The following ADGB variants were observed in gnomAD, a reference collection of about 807,000 sequenced individuals.
ADGB encodes the protein calpain-7-like protein.
ADGB carries 172 observed loss-of-function variants against 210.5 expected under a neutral mutation model. The ratio of observed to expected loss-of-function variants is 0.82; its 90% CI spans 0.72 to 0.93. The LOEUF (loss-of-function observed/expected upper bound fraction) is 0.93, where lower values mean the gene tolerates loss of function less well. ADGB is among the 40% of genes least tolerant of loss of function. The pLI is 0.00. For missense variants in ADGB, 2,025 were observed against 1,964.8 expected (o/e 1.03, Z -0.58); for synonymous variants, 658 against 662.7 (o/e 0.99, Z 0.11).
chr6:146,636,459 G>A (rs1775424073), intron 2 of ADGB, among the ~76,000 whole-genome samples: 1 of 152,004 alleles, frequency 6.6e-6, no homozygotes, highest in Admixed American at 6.6e-5. Flanking sequence ...ACATGTAAGG[G>A]AACAAATTCT....
At chr6:146,778,790 G>A (rs1252202870) in intron 29 of ADGB, among the ~76,000 whole-genome samples, 4 of 152,152 alleles carry the variant, frequency 2.6e-5, no homozygotes, top group Non-Finnish European at 5.9e-5. Context: ...AAAACAGCAT[G>A]CACAGATCCT....
chr6:146,799,222 C>G (rs984504811), intron 33 of ADGB, among the ~76,000 whole-genome samples: 1 of 151,996 alleles, frequency 6.6e-6, no homozygotes, highest in African/African-American at 2.4e-5. Flanking sequence ...AAATCAGGAG[C>G]AAGCCAAAGA....
At chr6:146,753,291 T>C (rs2114613219) in intron 27 of ADGB, among the ~76,000 whole-genome samples, 1 of 152,162 alleles carries the variant, frequency 6.6e-6, no homozygotes, top group South Asian at 2.1e-4. Flanking sequence ...GAAAAAAAGT[T>C]AATATTTTAG....
intron 1 of ADGB, among the ~76,000 whole-genome samples, chr6:146,630,557 A>G (rs1227270391): frequency 6.6e-6 from 1 of 152,094 alleles, no homozygotes; most frequent in Non-Finnish European, 1.5e-5. Context: ...AAACAAACAA[A>G]CAAACAAACA....
At chr6:146,649,005 T>C (rs949113580) in intron 3 of ADGB, among the ~76,000 whole-genome samples, 2 of 151,882 alleles carry the variant, frequency 1.3e-5, no homozygotes, top group African/African-American at 4.8e-5. Flanking sequence ...CCAACAAGCA[T>C]CCAAAATCAT....
chr6:146,655,638 A>G (rs1775768660), intron 4 of ADGB, among the ~76,000 whole-genome samples: 1 of 152,174 alleles, frequency 6.6e-6, no homozygotes, highest in Non-Finnish European at 1.5e-5. Context: ...TTCTTCAACC[A>G]GTTATACATA....
At chr6:146,691,461 A>ATATATATATAT (rs1554231910) in intron 11 of ADGB, among the ~76,000 whole-genome samples, 171 bp downstream of exon 11, 2 of 18,242 alleles carry the variant, frequency 1.1e-4, no homozygotes, top group Non-Finnish European at 1.6e-4. Flanking sequence ...TATATATAAA[A>ATATATATATAT]ATATATATAT....
rs922070095 is a variant in ADGB at position 146,696,461 on chromosome 6, AT to A, written c.1577+3547del. ...CTTTAGCATCATAAAACTTAAAAAA[AT>A]AAATTAAATGAGCCCCCTTATTCCA... is the stretch of plus-strand genomic sequence containing the variant. On this transcript the variant is annotated intron_variant, in intron 12 of 35. Transcript: ENST00000397944. Among the ~76,000 whole-genome samples the A allele has an allele frequency of 5.3e-5, 8 of 151,926 alleles. 1 individual carries two copies. The highest frequency in any genetic ancestry group is 7.3e-5 in the African/African-American group (3 of 41,208).
chr6:146,801,780 C>A, intron 34 of ADGB, 48 bp from the exon 35 acceptor site: 1 of 1,467,690 alleles, frequency 6.8e-7, no homozygotes, highest in Non-Finnish European at 9.1e-7. Context: ...AAGCTTATTC[C>A]AGAGTTCCCA....
At chr6:146,669,009 A>C (rs1775972768) in intron 7 of ADGB, among the ~76,000 whole-genome samples, 1 of 152,050 alleles carries the variant, frequency 6.6e-6, no homozygotes, top group Non-Finnish European at 1.5e-5. Flanking sequence ...GTGTTTGAAT[A>C]GGTCTTTTTC....
At chr6:146,720,932 G>T (rs1393072833) in intron 16 of ADGB, among the ~76,000 whole-genome samples, 1 of 152,172 alleles carries the variant, frequency 6.6e-6, no homozygotes, top group Non-Finnish European at 1.5e-5. Flanking sequence ...GTATATATCT[G>T]AAGCTCCTGT....
At chr6:146,604,755 G>A (rs937303677) in intron 1 of ADGB, among the ~76,000 whole-genome samples, 11 of 152,102 alleles carry the variant, frequency 7.2e-5, no homozygotes, top group African/African-American at 2.4e-4. Flanking sequence ...AGGGAAGGGA[G>A]GATTCATATA....
chr6:146,691,300 A>C lies in ADGB; in HGVS notation c.1486+10A>C, dbSNP rs1413352589. On this transcript the variant is annotated intron_variant, in intron 11 of 35. Transcript: ENST00000397944. ...ACAGATGAAGCTCAAGGTATGTATC[A>C]CATCATCTTCAAATCCTTCTAATTA... 1.3e-6 allele frequency: 2 copies of C among 1,529,642 alleles called. No homozygotes were observed. The highest frequency in any genetic ancestry group is 4.2e-5 in the Admixed American group (2 of 47,502). 94.8% of individuals were successfully genotyped at this position (1,529,642 alleles called of 1,614,324 possible).
At chr6:146,662,676 A>G (rs1562268087) in intron 5 of ADGB, among the ~76,000 whole-genome samples, 1 of 151,836 alleles carries the variant, frequency 6.6e-6, no homozygotes, top group Non-Finnish European at 1.5e-5. Flanking sequence ...TTGGTATGAT[A>G]GGTAATTTTA....
In ADGB at chr6:146,733,265, A is replaced by G. The variant is rs1303682251; in HGVS notation, c.2656+10A>G. ...GAAGAGGTTTCTTTAGGTACCCATG[A>G]ATTGTATATATTTAATCAAGGAATT... On this transcript the variant is annotated intron_variant, in intron 21 of 35. Transcript: ENST00000397944. The G allele has an allele frequency of 6.9e-7, 1 of 1,453,610 alleles. No individual in the cohort carries two copies. Among genetic ancestry groups the G allele is most frequent in the South Asian group, 1.3e-5 (1 of 74,246 alleles). The allele number at this position is 1,453,610 out of a possible 1,614,324, so 90.0% of individuals were successfully genotyped here. A position where few individuals can be genotyped will look rare whatever the true frequency, so the allele number is the denominator to read the frequency against.
chr6:146,609,823 T>G (rs1780681225), intron 1 of ADGB, among the ~76,000 whole-genome samples: 1 of 152,216 alleles, frequency 6.6e-6, no homozygotes, highest in South Asian at 2.1e-4. Flanking sequence ...GCTGTTAGAC[T>G]GATGGGATTC....
chr6:146,691,190 T>C lies in ADGB; in HGVS notation c.1386T>C (p.Ser462=). ...GCCATCCTGTGCTGGTGACTAGAAG[T>C]AGGTCTTGTCCTCTGGTAGCACCAC... ...ICSHPVLVTR[S]RSCPLVAPPK... is the part of the protein sequence containing the mutation. The change falls in exon 11 of 36, where the codon AGT becomes AGC. Residue 462 remains serine, a synonymous_variant. Coordinates refer to ENST00000397944, the MANE Select transcript of ADGB (RefSeq NM_024694.4). 1 of 1,549,734 alleles carries C rather than the reference T, an allele frequency of 6.5e-7. No individual in the cohort carries two copies. Among genetic ancestry groups the C allele is most frequent in the Non-Finnish European group, 8.7e-7 (1 of 1,146,348 alleles).
rs540045253 is a variant in ADGB at position 146,691,354 on chromosome 6, C to T, written c.1486+64C>T. On this transcript the variant is annotated intron_variant, in intron 11 of 35. Coordinates refer to ENST00000397944, the MANE Select transcript of ADGB (RefSeq NM_024694.4). ...TATGAAAGTCTAACAGTTTCATCTG[C>T]GGTGAAAGATGTATGTCAAGGTAAA... 4.9e-5 allele frequency: 64 copies of T among 1,303,144 alleles called. No individual in the cohort carries two copies. The East Asian group carries it at 7.3e-4, about 15-fold the overall frequency. 80.7% of individuals were successfully genotyped at this position (1,303,144 alleles called of 1,614,324 possible). A position where few individuals can be genotyped will look rare whatever the true frequency, so the allele number is the denominator to read the frequency against.
chr6:146,659,279 A>T (rs2114888218), intron 5 of ADGB, among the ~76,000 whole-genome samples: 1 of 152,276 alleles, frequency 6.6e-6, no homozygotes, highest in East Asian at 1.9e-4. Flanking sequence ...AATATGCATT[A>T]TTACTTCTAC....
Sources: gnomAD v4.1 joint callset for allele counts (sites outside exome capture counted in the v4.1 genomes callset) on GRCh38, gnomAD v4.1.1 for gene constraint, MANE v1.5 for transcripts, NCBI Gene and HGNC (gene_info 2026-07-23, HGNC 2026-07-21) for gene names.